The following SPDYE10 variants were observed in gnomAD, a reference collection of about 807,000 sequenced individuals.
The protein encoded by SPDYE10 is speedy/RINGO cell cycle regulator family member E10, also known as speedy protein E10.
chr7:73,137,901 G>A, the SPDYE10 span, among the ~76,000 whole-genome samples: 2 of 131,726 alleles, frequency 1.5e-5, no homozygotes, highest in African/African-American at 2.9e-5. Context: ...GAGGGGAAGG[G>A]GAGGGGAAGG....
At chr7:73,126,909 GTTTTTT>G in the SPDYE10 span, among the ~76,000 whole-genome samples, 1 of 68,804 alleles carries the variant, frequency 1.5e-5, no homozygotes, top group African/African-American at 5.5e-5. Flanking sequence ...GTTGTTGGTG[GTTTTTT>G]TTTTTTTTTT....
At chr7:73,135,916 T>G in the SPDYE10 span, among the ~76,000 whole-genome samples, 1 of 91,018 alleles carries the variant, frequency 1.1e-5, no homozygotes, top group Admixed American at 1.1e-4. Flanking sequence ...GTTTTGTTCT[T>G]GTTGCCCAGG....
chr7:73,149,565 G>A, the SPDYE10 span, among the ~76,000 whole-genome samples: 11 of 152,242 alleles, frequency 7.2e-5, no homozygotes, highest in South Asian at 2.3e-3. Flanking sequence ...GGGATTACAG[G>A]CGTGAGCCAT....
At chr7:73,114,610 C>A in the SPDYE10 span, among the ~76,000 whole-genome samples, 1 of 140,152 alleles carries the variant, frequency 7.1e-6, no homozygotes, top group South Asian at 2.3e-4. Flanking sequence ...GATCTCGGCT[C>A]ACTGCAACCT....
At chr7:73,117,436 AC>A in the SPDYE10 span, among the ~76,000 whole-genome samples, 2 of 106,148 alleles carry the variant, frequency 1.9e-5, no homozygotes, top group African/African-American at 8.3e-5. Context: ...CTGGTCTTGA[AC>A]TCCTGACCTC....
chr7:73,137,960 G>A, the SPDYE10 span, among the ~76,000 whole-genome samples: 2 of 146,004 alleles, frequency 1.4e-5, no homozygotes, highest in Non-Finnish European at 3.0e-5. Flanking sequence ...GGAAGGGAAG[G>A]GACCCAGGCT....
the SPDYE10 span, among the ~76,000 whole-genome samples, chr7:73,123,855 G>A: frequency 7.1e-6 from 1 of 140,552 alleles, no homozygotes; most frequent in African/African-American, 2.6e-5. Context: ...TGCGATCTGG[G>A]CTTACTACAA....
chr7:73,112,013 C>T, the SPDYE10 span: 1 of 101,916 alleles, frequency 9.8e-6, no homozygotes, highest in Non-Finnish European at 1.9e-5. Context: ...GTGATCTGCC[C>T]GCCTCAGCCT....
At chr7:73,127,452 G>C in the SPDYE10 span, among the ~76,000 whole-genome samples, 207 of 110,390 alleles carry the variant, frequency 1.9e-3, no homozygotes, top group Middle Eastern at 0.011. Context: ...CCAGCTGCTT[G>C]GGAGGCTGAG....
At chr7:73,134,401 T>C in the SPDYE10 span, among the ~76,000 whole-genome samples, 1 of 149,548 alleles carries the variant, frequency 6.7e-6, no homozygotes, top group Non-Finnish European at 1.5e-5. Flanking sequence ...GGGATAGCAT[T>C]AGGAGATATA....
chr7:73,132,546 CAAAAAAAA>C, the SPDYE10 span, among the ~76,000 whole-genome samples: 16 of 59,480 alleles, frequency 2.7e-4, no homozygotes, highest in African/African-American at 8.7e-4. Context: ...GACCCTGTCT[CAAAAAAAA>C]AAAAAAAAAA....
At chr7:73,132,044 AG>A in the SPDYE10 span, among the ~76,000 whole-genome samples, 2 of 144,494 alleles carry the variant, frequency 1.4e-5, no homozygotes, top group African/African-American at 5.4e-5. Context: ...TGCACTCCGA[AG>A]GGAGTGACTC....
the SPDYE10 span, among the ~76,000 whole-genome samples, chr7:73,123,785 CT>C: frequency 0.013 from 1,891 of 145,190 alleles, 2 homozygotes; most frequent in Admixed American, 0.021. Context: ...CTCTCTCTCT[CT>C]CCCTCTCTCT....
At chr7:73,139,696 G>T in the SPDYE10 span, among the ~76,000 whole-genome samples, 1 of 143,846 alleles carries the variant, frequency 7.0e-6, no homozygotes, top group African/African-American at 2.6e-5. Context: ...TCCCTCTGTT[G>T]CCCAGGCTGG....
the SPDYE10 span, among the ~76,000 whole-genome samples, chr7:73,137,630 G>GAAAGAAAGAAAGAAAGAAAGA: frequency 8.8e-5 from 12 of 136,642 alleles, no homozygotes; most frequent in Admixed American, 7.4e-5. Context: ...AAGAAAGAAA[G>GAAAGAAAGAAAGAAAGAAAGA]AAAGAAAGAA....
chr7:73,152,426 C>A, the SPDYE10 span, among the ~76,000 whole-genome samples: 6 of 124,202 alleles, frequency 4.8e-5, no homozygotes, highest in Admixed American at 8.0e-5. Flanking sequence ...CTCTATCACC[C>A]AGGCTGGAGT....
At chr7:73,135,871 C>CTT in the SPDYE10 span, among the ~76,000 whole-genome samples, 1,998 of 36,892 alleles carry the variant, frequency 0.054, 3 homozygotes, top group East Asian at 0.15. Flanking sequence ...CGCACCCGGT[C>CTT]TTTTTTTTTT....
At chr7:73,147,908 G>A in the SPDYE10 span, among the ~76,000 whole-genome samples, 69 of 151,090 alleles carry the variant, frequency 4.6e-4, no homozygotes, top group Middle Eastern at 3.4e-3. Context: ...CCCGGTTCAA[G>A]CGATTCTCCT....
chr7:73,124,053 G>A, the SPDYE10 span, among the ~76,000 whole-genome samples: 3 of 150,046 alleles, frequency 2.0e-5, no homozygotes, highest in African/African-American at 7.5e-5. Flanking sequence ...AAAGTTCTGG[G>A]CTTACAGACC....
Sources: allele counts gnomAD v4.1 joint callset (sites outside exome capture counted in the v4.1 genomes callset), GRCh38; gene constraint gnomAD v4.1.1; transcripts MANE v1.5; gene names NCBI Gene and HGNC (gene_info 2026-07-23, HGNC 2026-07-21).